The following VTI1A variants were observed in gnomAD, a reference collection of about 807,000 sequenced individuals.
VTI1A encodes vesicle transport through interaction with t-SNAREs homolog 1A.
Under a neutral mutation model 34.9 loss-of-function variants are expected in VTI1A, and 22 were observed. That is an observed-to-expected ratio of 0.63 (90% CI 0.45 to 0.90). The LOEUF is 0.90. Among genes scored for constraint, VTI1A ranks in the 40% least tolerant of loss-of-function variants. VTI1A has a pLI of 0.00. For missense variants in VTI1A, 268 were observed against 275.6 expected, an observed-to-expected ratio of 0.97 and a Z score of 0.20; for synonymous variants, 87 against 97.3, an observed-to-expected ratio of 0.89 and a Z score of 0.62.
intron 5 of VTI1A, among the ~76,000 whole-genome samples, chr10:112,550,733 G>A (rs1057505768): frequency 1.2e-4 from 18 of 152,196 alleles, no homozygotes; most frequent in Non-Finnish European, 2.4e-4. Flanking sequence ...GCGTGAAGTC[G>A]TAGTTAAATA....
intron 5 of VTI1A, among the ~76,000 whole-genome samples, chr10:112,587,468 A>G (rs1013901599): frequency 8.5e-5 from 13 of 152,322 alleles, no homozygotes; most frequent in African/African-American, 3.1e-4. Context: ...AGAATATTAA[A>G]TTAAAAGGAC....
chr10:112,665,600 GA>G (rs1431225524), intron 5 of VTI1A, among the ~76,000 whole-genome samples: 2 of 152,114 alleles, frequency 1.3e-5, no homozygotes, highest in Non-Finnish European at 2.9e-5. Context: ...TATAACTCCT[GA>G]AAAGACCCAA....
At chr10:112,689,772 A>G (rs529627007) in intron 7 of VTI1A, among the ~76,000 whole-genome samples, 16 of 151,794 alleles carry the variant, frequency 1.1e-4, no homozygotes, top group African/African-American at 3.9e-4. Flanking sequence ...ATTATTATTT[A>G]CATACAACAA....
At chr10:112,739,538 C>T (rs756871125) in intron 7 of VTI1A, among the ~76,000 whole-genome samples, 27 of 152,190 alleles carry the variant, frequency 1.8e-4, no homozygotes, top group Non-Finnish European at 5.9e-5. Flanking sequence ...TATGGTTTTC[C>T]GAACCTCTTT....
chr10:112,608,535 G>A (rs541137061), intron 5 of VTI1A, among the ~76,000 whole-genome samples: 18 of 152,152 alleles, frequency 1.2e-4, no homozygotes, highest in Non-Finnish European at 2.4e-4. Flanking sequence ...AGACATGTGG[G>A]CAAATATATC....
rs1373815171 is a variant in VTI1A, at chr10:112,463,497, A to G, written c.154-1050A>G. ...GTTCCAGATTCCAGGACTAATAAGT[A>G]GTAGAGCCTATGATGTCAACGTAAG... On this transcript the variant is annotated intron_variant, in intron 2 of 7. Coordinates refer to ENST00000393077, the MANE Select transcript of VTI1A (RefSeq NM_145206.4). 3.3e-5 allele frequency among the ~76,000 whole-genome samples: 5 copies of G among 152,202 alleles called. No individual in the cohort carries two copies. The East Asian group carries it at 9.6e-4, about 29-fold the overall frequency.
intron 7 of VTI1A, among the ~76,000 whole-genome samples, chr10:112,674,043 T>A (rs1197468758): frequency 1.3e-5 from 2 of 152,228 alleles, no homozygotes; most frequent in East Asian, 1.9e-4. Context: ...TCAAGACTTG[T>A]GAGAAAAATG....
chr10:112,747,385 C>G (rs1437214091), intron 7 of VTI1A, among the ~76,000 whole-genome samples: 1 of 152,176 alleles, frequency 6.6e-6, no homozygotes, highest in East Asian at 1.9e-4. Flanking sequence ...TACTACACAC[C>G]TAGGCTGTAA....
intron 7 of VTI1A, among the ~76,000 whole-genome samples, chr10:112,682,104 G>A (rs1371854216): frequency 2.6e-5 from 4 of 152,080 alleles, no homozygotes; most frequent in Non-Finnish European, 4.4e-5. Context: ...AATTTTTAAA[G>A]CATCTGTATA....
intron 3 of VTI1A, among the ~76,000 whole-genome samples, chr10:112,470,312 CTGG>C (rs1330766946): frequency 3.3e-5 from 5 of 152,160 alleles, no homozygotes; most frequent in Non-Finnish European, 1.5e-5. Context: ...TGAATTGACA[CTGG>C]ACAGATTAAT....
chr10:112,495,076 TG>T (rs548880559), intron 3 of VTI1A, among the ~76,000 whole-genome samples: 53 of 152,138 alleles, frequency 3.5e-4, no homozygotes, highest in Non-Finnish European at 6.6e-4. Flanking sequence ...GTGTCTTTTT[TG>T]ATTCATTGAA....
rs139845205 is a variant in VTI1A, at chr10:112,681,454, T to C, written c.560+12456T>C. Reference sequence around the variant, plus strand: ...ACCAAATCCAGCCTGCCACCTGTTTTTGTATGGCCTGCAGGCCAATAATGG... The same window carrying C: ...ACCAAATCCAGCCTGCCACCTGTTTCTGTATGGCCTGCAGGCCAATAATGG... On this transcript the variant is annotated intron_variant, in intron 7 of 7. Transcript: ENST00000393077. Among the ~76,000 whole-genome samples, 998 of 152,298 alleles carry C rather than the reference T, an allele frequency of 6.6e-3. 2 individuals carry two copies. Among genetic ancestry groups the C allele is most frequent in the Non-Finnish European group, 9.6e-3 (653 of 68,024 alleles).
At chr10:112,549,781 T>C (rs1337062694) in intron 5 of VTI1A, among the ~76,000 whole-genome samples, 1 of 152,196 alleles carries the variant, frequency 6.6e-6, no homozygotes, top group Admixed American at 6.5e-5. Flanking sequence ...CCAGTTCAGT[T>C]GCAGGATCAT....
intron 3 of VTI1A, among the ~76,000 whole-genome samples, chr10:112,520,621 A>ATGTGTG (rs150383079): frequency 1.4e-4 from 20 of 138,092 alleles, no homozygotes; most frequent in African/African-American, 2.2e-4. Flanking sequence ...TAGTCTCTAT[A>ATGTGTG]TGTGTGTGTG....
intron 7 of VTI1A, among the ~76,000 whole-genome samples, chr10:112,682,163 G>A (rs1446077599): frequency 6.6e-6 from 1 of 152,134 alleles, no homozygotes; most frequent in Non-Finnish European, 1.5e-5. Flanking sequence ...TATGTGCCTT[G>A]AAATTGCATA....
At chr10:112,729,020 G>T (rs1345038080) in intron 7 of VTI1A, among the ~76,000 whole-genome samples, 3 of 152,094 alleles carry the variant, frequency 2.0e-5, no homozygotes, top group Admixed American at 6.5e-5. Context: ...TGCCTTTTAG[G>T]GGTTTTGGTT....
At chr10:112,691,799 C>T (rs1848627339) in intron 7 of VTI1A, among the ~76,000 whole-genome samples, 1 of 152,152 alleles carries the variant, frequency 6.6e-6, no homozygotes, top group Admixed American at 6.5e-5. Flanking sequence ...GGCTAACCTT[C>T]TAGTCAAAGT....
At chr10:112,587,792 TA>T (rs565972942) in intron 5 of VTI1A, among the ~76,000 whole-genome samples, 1 of 152,104 alleles carries the variant, frequency 6.6e-6, no homozygotes, top group Non-Finnish European at 1.5e-5. Flanking sequence ...CCCTCAGTAT[TA>T]GGGGAGAAAA....
chr10:112,666,718 G>A (rs1847653803), intron 5 of VTI1A, among the ~76,000 whole-genome samples: 1 of 152,112 alleles, frequency 6.6e-6, no homozygotes, highest in African/African-American at 2.4e-5. Flanking sequence ...TTTATCCTGT[G>A]AATAAGATTT....
Sources: gnomAD v4.1 joint callset for allele counts (sites outside exome capture counted in the v4.1 genomes callset) on GRCh38, gnomAD v4.1.1 for gene constraint, MANE v1.5 for transcripts, NCBI Gene and HGNC (gene_info 2026-07-23, HGNC 2026-07-21) for gene names.